Variants in GRIK1 observed in about 807,000 individuals in gnomAD.
GRIK1 encodes glutamate receptor ionotropic, kainate 1.
A neutral mutation model predicts 105.7 loss-of-function variants in GRIK1; 69 were observed. The ratio of observed to expected loss-of-function variants is 0.65; its 90% CI spans 0.54 to 0.80. The LOEUF (loss-of-function observed/expected upper bound fraction) is 0.80. Ranked by LOEUF, GRIK1 falls within the 30% of genes least tolerant of loss-of-function variation. The pLI, the probability that GRIK1 is intolerant of heterozygous loss-of-function variation, is 0.00. For missense variants in GRIK1, 1,109 were observed against 1,167.3 expected, an observed-to-expected ratio of 0.95 and a Z score of 0.73; for synonymous variants, 438 against 431.3, an observed-to-expected ratio of 1.02 and a Z score of -0.19.
chr21:29,661,244 A>T (rs753714454), intron 4 of GRIK1, among the ~76,000 whole-genome samples: 1 of 152,264 alleles, frequency 6.6e-6, no homozygotes, highest in Admixed American at 6.5e-5. Context: ...ACAGAAAGAT[A>T]TCCATCTACT....
intron 9 of GRIK1, among the ~76,000 whole-genome samples, chr21:29,592,905 G>A (rs2061352697): frequency 6.6e-6 from 1 of 152,184 alleles, no homozygotes; most frequent in South Asian, 2.1e-4. Context: ...CTCTGAGATG[G>A]ACAGGGTGGA....
chr21:29,700,687 G>A (rs1330950047), intron 1 of GRIK1, among the ~76,000 whole-genome samples: 2 of 152,042 alleles, frequency 1.3e-5, no homozygotes, highest in Non-Finnish European at 2.9e-5. Flanking sequence ...AATCAACTCA[G>A]TGTAACATGG....
chr21:29,603,790 C>T (rs2061563382), intron 7 of GRIK1, among the ~76,000 whole-genome samples: 1 of 152,152 alleles, frequency 6.6e-6, no homozygotes, highest in African/African-American at 2.4e-5. Context: ...TGGAAATCTC[C>T]ACTGTGTTAG....
At chr21:29,826,194 T>A (rs1439158262) in intron 1 of GRIK1, among the ~76,000 whole-genome samples, 1 of 152,082 alleles carries the variant, frequency 6.6e-6, no homozygotes, top group African/African-American at 2.4e-5. Flanking sequence ...GTCCATTTGA[T>A]CACGTTTCCA....
chr21:29,815,770 T>A (rs941088766), intron 1 of GRIK1, among the ~76,000 whole-genome samples: 1 of 151,430 alleles, frequency 6.6e-6, no homozygotes, highest in African/African-American at 2.4e-5. Flanking sequence ...CAATAGAGAG[T>A]GAAAATTACA....
chr21:29,655,206 C>T (rs752941408), intron 4 of GRIK1, among the ~76,000 whole-genome samples: 2 of 152,136 alleles, frequency 1.3e-5, no homozygotes, highest in Non-Finnish European at 2.9e-5. Context: ...GTCAGGAGTT[C>T]GAGACCAGCC....
chr21:29,742,464 T>A (rs927240584), intron 1 of GRIK1, among the ~76,000 whole-genome samples: 3 of 152,136 alleles, frequency 2.0e-5, no homozygotes, highest in Non-Finnish European at 2.9e-5. Context: ...ACTCAACCCA[T>A]CTTTAAAGGC....
In GRIK1 at chr21:29,537,871, G is replaced by T; in HGVS notation, c.2621C>A (p.Ser874Ter). 2.2e-6 allele frequency: 3 copies of T among 1,333,878 alleles called. No homozygotes were observed. Among genetic ancestry groups the T allele is most frequent in the Non-Finnish European group, 3.2e-6 (3 of 936,302 alleles). 82.6% of individuals were successfully genotyped at this position (1,333,878 alleles called of 1,614,324 possible). Residue 874 changes from serine to a stop codon, truncating the protein, a stop_gained, in exon 17 of 18, where the codon TCA becomes TAA. Coordinates refer to ENST00000327783, the MANE Select transcript of GRIK1 (RefSeq NM_001330994.2). LOFTEE classifies it high-confidence loss of function. ...NNDIEQKGKS[S>*]RIRFYFRNKV... ...GTTCCTAAAATAAAATCTAATTCTT[G>T]ATGACTTTCCTTTCTGATAAAAAAA...
At chr21:29,560,498 TC>T (rs1568815012) in intron 15 of GRIK1, among the ~76,000 whole-genome samples, 528 of 13,860 alleles carry the variant, frequency 0.038, 33 homozygotes, top group African/African-American at 0.12. Context: ...TTTCTTTCTT[TC>T]CTTCCTTCCT....
chr21:29,909,490 AG>A (rs1216426144), intron 1 of GRIK1, among the ~76,000 whole-genome samples: 2 of 151,884 alleles, frequency 1.3e-5, no homozygotes. Context: ...TTAATTAAAT[AG>A]AATGTTACTA....
At chr21:29,846,058 C>A (rs190039022) in intron 1 of GRIK1, among the ~76,000 whole-genome samples, 91 of 152,250 alleles carry the variant, frequency 6.0e-4, no homozygotes, top group African/African-American at 2.1e-3. Context: ...CTGGATCCTC[C>A]TCCCCACTGG....
At chr21:29,654,944 C>T (rs1311031248) in intron 4 of GRIK1, 81 bp from the exon 5 acceptor site, 3 of 877,606 alleles carry the variant, frequency 3.4e-6, no homozygotes, top group Non-Finnish European at 5.8e-6. Flanking sequence ...ACTGCAAATG[C>T]TTGGAAACAT....
intron 4 of GRIK1, among the ~76,000 whole-genome samples, chr21:29,667,127 A>T (rs530312165): frequency 5.3e-5 from 8 of 152,180 alleles, no homozygotes; most frequent in Admixed American, 2.0e-4. Flanking sequence ...TGACTTATAG[A>T]TCTGACTTAG....
At chr21:29,725,715 A>C (rs1258497169) in intron 1 of GRIK1, among the ~76,000 whole-genome samples, 2 of 152,238 alleles carry the variant, frequency 1.3e-5, no homozygotes, top group Non-Finnish European at 2.9e-5. Context: ...GAGTGCATAA[A>C]GTATGCCTCA....
chr21:29,922,764 T>A (rs2071232545), intron 1 of GRIK1, among the ~76,000 whole-genome samples: 1 of 152,188 alleles, frequency 6.6e-6, no homozygotes, highest in South Asian at 2.1e-4. Flanking sequence ...CCTTTTACAC[T>A]TCATTTTCTT....
intron 1 of GRIK1, chr21:29,861,643 C>A: frequency 2.2e-6 from 1 of 449,128 alleles, no homozygotes; most frequent in East Asian, 6.7e-5. Flanking sequence ...CCTTCTTTTC[C>A]TAACTTGCTG....
At chr21:29,558,375 T>TCC (rs2090309400) in intron 15 of GRIK1, among the ~76,000 whole-genome samples, 1 of 67,462 alleles carries the variant, frequency 1.5e-5, no homozygotes, top group Non-Finnish European at 2.9e-5. Flanking sequence ...ATATATATAT[T>TCC]TCACACACAC....
chr21:29,811,420 T>C (rs968506419), intron 1 of GRIK1, among the ~76,000 whole-genome samples: 6 of 152,184 alleles, frequency 3.9e-5, no homozygotes, highest in African/African-American at 1.4e-4. Flanking sequence ...ACAAATACAG[T>C]GCTATTTAGT....
chr21:29,708,352 A>G (rs752146432), intron 1 of GRIK1, among the ~76,000 whole-genome samples: 9 of 152,228 alleles, frequency 5.9e-5, no homozygotes, highest in Non-Finnish European at 1.0e-4. Context: ...ATAATGATAT[A>G]AAATGGTCAG....
Sources: gnomAD v4.1 joint callset for allele counts (sites outside exome capture counted in the v4.1 genomes callset) on GRCh38, gnomAD v4.1.1 for gene constraint, MANE v1.5 for transcripts, NCBI Gene and HGNC (gene_info 2026-07-23, HGNC 2026-07-21) for gene names.